Variants in EBAG9 observed in about 807,000 individuals in gnomAD.
The protein encoded by EBAG9 is estrogen receptor binding site associated antigen 9.
Under a neutral mutation model 30.9 loss-of-function variants are expected in EBAG9, and 16 were observed. The observed-to-expected ratio is 0.52, with a 90% CI of 0.35 to 0.79. The LOEUF (loss-of-function observed/expected upper bound fraction) is 0.79. Among genes scored for constraint, EBAG9 ranks in the 30% least tolerant of loss-of-function variants. The pLI, the probability that EBAG9 is intolerant of heterozygous loss-of-function variation, is 0.01. For missense variants in EBAG9, 197 were observed against 242.1 expected (o/e 0.81, Z 1.24); for synonymous variants, 93 against 82.8 (o/e 1.12, Z -0.67).
At chr8:109,558,296 C>A (rs1586693689) in intron 5 of EBAG9, among the ~76,000 whole-genome samples, 1 of 152,018 alleles carries the variant, frequency 6.6e-6, no homozygotes, top group Non-Finnish European at 1.5e-5. Flanking sequence ...AAAATGCATT[C>A]TAGTAGGGGA....
intron 1 of EBAG9, among the ~76,000 whole-genome samples, chr8:109,545,057 C>T (rs978242350): frequency 1.3e-5 from 2 of 151,768 alleles, no homozygotes; most frequent in African/African-American, 4.8e-5. Context: ...GCGTGGTGGC[C>T]CACACCTGTA....
Position 109,560,834 on chromosome 8 carries a change from G to T in EBAG9, c.430-4G>T, listed in dbSNP as rs745522176. On this transcript the variant is annotated splice_polypyrimidine_tract_variant and splice_region_variant and intron_variant, in intron 5 of 6. Coordinates refer to ENST00000337573, the MANE Select transcript of EBAG9 (RefSeq NM_004215.5). ...TCTTAATTTTGTTTTACTTTTCATT[G>T]TAGTCTGAATTAGGTGACTTAGATA... is the stretch of plus-strand genomic sequence containing the variant. The T allele has an allele frequency of 1.2e-6, 2 of 1,608,042 alleles. No homozygotes were observed. Among genetic ancestry groups the T allele is most frequent in the South Asian group, 2.2e-5 (2 of 90,756 alleles).
intron 1 of EBAG9, among the ~76,000 whole-genome samples, chr8:109,542,229 A>G (rs537507536): frequency 6.6e-6 from 1 of 152,046 alleles, no homozygotes; most frequent in African/African-American, 2.4e-5. Flanking sequence ...GATATTCTTG[A>G]TTGCTAGGGA....
At chr8:109,543,793 G>A (rs910786436) in intron 1 of EBAG9, among the ~76,000 whole-genome samples, 2 of 152,150 alleles carry the variant, frequency 1.3e-5, no homozygotes, top group African/African-American at 2.4e-5. Context: ...CACTTTGGGA[G>A]GCTGAGGCAG....
chr8:109,557,498 C>T (rs1285909566), intron 5 of EBAG9, among the ~76,000 whole-genome samples: 2 of 152,176 alleles, frequency 1.3e-5, no homozygotes, highest in Non-Finnish European at 2.9e-5. Flanking sequence ...ACCTTGGGAG[C>T]ATATCAGAAT....
intron 2 of EBAG9, among the ~76,000 whole-genome samples, chr8:109,551,331 A>G (rs995090088): frequency 2.0e-5 from 3 of 152,076 alleles, no homozygotes; most frequent in Non-Finnish European, 4.4e-5. Flanking sequence ...AATCCTAAAA[A>G]AAAAAAATTT....
chr8:109,544,391 G>A (rs972499133), intron 1 of EBAG9, among the ~76,000 whole-genome samples: 13 of 152,144 alleles, frequency 8.5e-5, no homozygotes, highest in Admixed American at 3.9e-4. Flanking sequence ...ATCAAGTGTT[G>A]TGATTGTTTC....
chr8:109,563,903 A>C (rs756391291), intron 6 of EBAG9, among the ~76,000 whole-genome samples: 1 of 151,978 alleles, frequency 6.6e-6, no homozygotes, highest in Non-Finnish European at 1.5e-5. Flanking sequence ...TTAATCCTGA[A>C]ATTTACTTGG....
intron 6 of EBAG9, among the ~76,000 whole-genome samples, chr8:109,561,134 C>G (rs1821702679): frequency 6.6e-6 from 1 of 151,348 alleles, no homozygotes; most frequent in African/African-American, 2.4e-5. Context: ...GAATTTTAAG[C>G]TCTATAGGAA....
chr8:109,561,614 A>G (rs1215240908), intron 6 of EBAG9, among the ~76,000 whole-genome samples: 1 of 152,042 alleles, frequency 6.6e-6, no homozygotes, highest in African/African-American at 2.4e-5. Context: ...AGATATTTAA[A>G]TGCATCTAAA....
chr8:109,556,803 CT>C (rs1276447688), intron 4 of EBAG9, 131 bp from the exon 5 acceptor site: 571 of 432,696 alleles, frequency 1.3e-3, no homozygotes, highest in South Asian at 1.7e-3. Flanking sequence ...TATTTACAGA[CT>C]TTTTTTTTAG....
chr8:109,556,447 C>T (rs1199229928), intron 4 of EBAG9, among the ~76,000 whole-genome samples: 1 of 152,046 alleles, frequency 6.6e-6, no homozygotes, highest in Non-Finnish European at 1.5e-5. Flanking sequence ...CTGCTGCTCT[C>T]AGTAGGAACC....
chr8:109,553,888 G>A lies in EBAG9; in HGVS notation c.107G>A (p.Ser36Asn). The change falls in exon 3 of 7, where the codon AGT becomes AAT. Residue 36 changes from serine (S) to asparagine (N), a missense_variant. Coordinates refer to ENST00000337573, the MANE Select transcript of EBAG9 (RefSeq NM_004215.5). ...AGATCTGGCAGAGGACGGAAATTAA[G>A]TGGAGACCAAATAACTTTGCCAACT... ...ICRSGRGRKL[S>N]GDQITLPTTV... 6.2e-7 allele frequency: 1 copy of A among 1,608,604 alleles called. No homozygotes were observed. Among genetic ancestry groups the A allele is most frequent in the Non-Finnish European group, 8.5e-7 (1 of 1,178,418 alleles).
At position 109,564,778 on chromosome 8, in the gene EBAG9, A is replaced by G. The variant is rs1821786875; in HGVS notation, c.*219A>G. 2.3e-6 allele frequency: 1 copy of G among 438,566 alleles called. No individual in the cohort carries two copies. Among genetic ancestry groups the G allele is most frequent in the South Asian group, 3.3e-5 (1 of 30,300 alleles). The allele number at this position is 438,566 out of a possible 1,614,324, so 27.2% of individuals were successfully genotyped here. Reference sequence around the variant, plus strand: ...GACTTGAGACAATGTTTTCTTCAACATGCTCCAAATATAAGACATTTGTTT... The same window carrying G: ...GACTTGAGACAATGTTTTCTTCAACGTGCTCCAAATATAAGACATTTGTTT... On this transcript the variant is annotated 3_prime_UTR_variant, in exon 7 of 7. Transcript: ENST00000337573.
rs35834736 is a variant in EBAG9 at position 109,561,671 on chromosome 8, A to AT, written c.521+749dup. 7.9e-5 allele frequency among the ~76,000 whole-genome samples: 12 copies of AT among 152,052 alleles called. No homozygotes were observed. The East Asian group carries it at 1.7e-3, about 22-fold the overall frequency. The stretch of plus-strand genomic sequence containing the variant: ...TGTGTAGTAAGATACAGCAATATAA[A>AT]TTTTTTTATTTTAAAATTGAGATTG... On this transcript the variant is annotated intron_variant, in intron 6 of 6. Transcript: ENST00000337573.
chr8:109,542,301 A>C (rs183401382), intron 1 of EBAG9, among the ~76,000 whole-genome samples: 42 of 152,274 alleles, frequency 2.8e-4, no homozygotes, highest in African/African-American at 9.4e-4. Flanking sequence ...GAAAAAAAAA[A>C]CAACCTTTAA....
intron 5 of EBAG9, chr8:109,557,933 C>A (rs749772432): frequency 3.9e-6 from 1 of 253,816 alleles, no homozygotes; most frequent in African/African-American, 2.3e-5. Flanking sequence ...AGTTATAAGA[C>A]GGTGAGAGCA....
In EBAG9 at chr8:109,550,845, G is replaced by T. The variant is rs372818338; in HGVS notation, c.21G>T (p.Arg7=). 2 of 1,603,758 alleles carry T rather than the reference G, an allele frequency of 1.2e-6. No individual in the cohort carries two copies. Among genetic ancestry groups the T allele is most frequent in the Non-Finnish European group, 1.7e-6 (2 of 1,173,800 alleles). The part of the protein sequence containing the change: MAITQF[R]LFKFCTCLAT... ...CCACCATGGCCATCACCCAGTTTCG[G>T]TTATTTAAATTTTGTACCTGCCTAG... The change falls in exon 2 of 7, where the codon CGG becomes CGT. Residue 7 remains arginine, a synonymous_variant. Transcript: ENST00000337573.
chr8:109,546,992 C>T (rs2131103862), intron 1 of EBAG9, among the ~76,000 whole-genome samples: 1 of 152,156 alleles, frequency 6.6e-6, no homozygotes, highest in Middle Eastern at 3.4e-3. Flanking sequence ...AAAAATAAAG[C>T]TGCAATTCAA....
Sources: gnomAD v4.1 joint callset for allele counts (sites outside exome capture counted in the v4.1 genomes callset) on GRCh38, gnomAD v4.1.1 for gene constraint, MANE v1.5 for transcripts, NCBI Gene and HGNC (gene_info 2026-07-23, HGNC 2026-07-21) for gene names.